Variants in KIRREL3 observed in about 807,000 individuals in gnomAD.
KIRREL3 encodes the protein kirre like nephrin family adhesion molecule 3.
In KIRREL3, 36 loss-of-function variants were observed where a neutral mutation model predicts 89.7. That is an observed-to-expected ratio of 0.40 (90% CI 0.31 to 0.53). KIRREL3 has a LOEUF of 0.53. Among genes scored for constraint, KIRREL3 ranks in the 20% least tolerant of loss-of-function variants. The pLI is 0.49. For synonymous variants in KIRREL3, 445 were observed against 441.4 expected, an observed-to-expected ratio of 1.01 and a Z score of -0.10; for missense variants, 864 against 1,056.6, an observed-to-expected ratio of 0.82 and a Z score of 2.53.
Position 126,890,122 on chromosome 11 carries a change from G to A in KIRREL3, c.55+110333C>T, listed in dbSNP as rs139742914. The stretch of plus-strand genomic sequence containing the variant: ...GGGATGGGTCAGTGCAATCTCTGTA[G>A]TTAAATTCTTGAGTTAAAATGAAGA... On this transcript the variant is annotated intron_variant, in intron 1 of 16. Transcript: ENST00000525144. The surrounding 1 kb of genome is among the most constrained non-coding windows in gnomAD (Gnocchi z 5.1). Among the ~76,000 whole-genome samples the A allele has an allele frequency of 5.3e-5, 8 of 152,324 alleles. No individual in the cohort carries two copies. The East Asian group carries it at 1.3e-3, about 26-fold the overall frequency.
At chr11:126,887,623 G>A (rs972344236) in intron 1 of KIRREL3, among the ~76,000 whole-genome samples, 1 of 151,686 alleles carries the variant, frequency 6.6e-6, no homozygotes, top group African/African-American at 2.4e-5. Flanking sequence ...CACCAACCAA[G>A]GGTCCCCAAT....
chr11:126,959,411 C>A (rs1248756784), intron 1 of KIRREL3, among the ~76,000 whole-genome samples: 2 of 152,154 alleles, frequency 1.3e-5, no homozygotes, highest in Non-Finnish European at 2.9e-5. Flanking sequence ...CTGGAAACCC[C>A]TGACTCTTAT....
rs1053103880 is a variant in KIRREL3, at chr11:126,516,507, A to C, written c.433+4808T>G. Among the ~76,000 whole-genome samples, 5 of 152,184 alleles carry C rather than the reference A, an allele frequency of 3.3e-5. No homozygotes were observed. The highest frequency in any genetic ancestry group is 1.2e-4 in the African/African-American group (5 of 41,450). On this transcript the variant is annotated intron_variant, in intron 4 of 16. Coordinates refer to ENST00000525144, the MANE Select transcript of KIRREL3 (RefSeq NM_032531.4). This position sits in a 1 kb window ranked among gnomAD's most constrained non-coding sequence, Gnocchi z 4.9. ...GACCGCCTTCTCTCTGCCAGAATGC[A>C]AGCTCCACCAGGGCAAGGATGGTTT... is the stretch of plus-strand genomic sequence containing the variant.
At position 126,664,800 on chromosome 11, in the gene KIRREL3, A is replaced by G. The variant is rs146249860; in HGVS notation, c.56-101888T>C. On this transcript the variant is annotated intron_variant, in intron 1 of 16. Transcript: ENST00000525144. This position sits in a 1 kb window ranked among gnomAD's most constrained non-coding sequence, Gnocchi z 5.4. ...CCTTTCTAACCCTGGCTGCAGCCTCATGGCACTACTTCCTCATCTATGAAC... is the reference window on the plus strand; with the variant it reads ...CCTTTCTAACCCTGGCTGCAGCCTCGTGGCACTACTTCCTCATCTATGAAC... Among the ~76,000 whole-genome samples the G allele has an allele frequency of 3.2e-4, 48 of 152,224 alleles. 1 individual carries two copies. Among genetic ancestry groups the G allele is most frequent in the Middle Eastern group, 3.4e-3 (1 of 294 alleles).
chr11:126,826,722 G>T (rs1447560486), intron 1 of KIRREL3, among the ~76,000 whole-genome samples: 1 of 152,172 alleles, frequency 6.6e-6, no homozygotes, highest in African/African-American at 2.4e-5. Flanking sequence ...AGCCTATGGG[G>T]TTTCAACCTG....
intron 1 of KIRREL3, among the ~76,000 whole-genome samples, chr11:126,848,856 A>T (rs1158076861): frequency 2.0e-5 from 3 of 152,196 alleles, no homozygotes; most frequent in African/African-American, 7.2e-5. Context: ...AGAGACCTTC[A>T]TAGTTTGGCA....
chr11:126,497,824 G>A, intron 4 of KIRREL3, among the ~76,000 whole-genome samples: 1 of 152,210 alleles, frequency 6.6e-6, no homozygotes, highest in East Asian at 1.9e-4. Context: ...CTGGGTGGGA[G>A]TTTAGTGTAG....
intron 1 of KIRREL3, among the ~76,000 whole-genome samples, chr11:126,634,688 A>T (rs1181695057): frequency 1.3e-5 from 2 of 152,202 alleles, no homozygotes; most frequent in Admixed American, 6.5e-5. Context: ...CCTGGCAAAG[A>T]GTGCATCGGG....
rs1458835045 is a variant in KIRREL3 at position 126,490,098 on chromosome 11, G to T, written c.434-16632C>A. On this transcript the variant is annotated intron_variant, in intron 4 of 16. Coordinates refer to ENST00000525144, the MANE Select transcript of KIRREL3 (RefSeq NM_032531.4). This position sits in a 1 kb window ranked among gnomAD's most constrained non-coding sequence, Gnocchi z 4.2. Reference sequence around the variant, plus strand: ...GTTTTGGATGTGCCTTAAAGTCACAGTTAGCTCCCATGATGGGCATTCGTG... The same window carrying T: ...GTTTTGGATGTGCCTTAAAGTCACATTTAGCTCCCATGATGGGCATTCGTG... Among the ~76,000 whole-genome samples the T allele has an allele frequency of 2.6e-5, 4 of 152,026 alleles. No homozygotes were observed. The highest frequency in any genetic ancestry group is 5.9e-5 in the Non-Finnish European group (4 of 68,030).
At position 126,563,558 on chromosome 11, in the gene KIRREL3, T is replaced by C. The variant is rs565771531; in HGVS notation, c.56-646A>G. 2.6e-5 allele frequency among the ~76,000 whole-genome samples: 4 copies of C among 152,278 alleles called. No homozygotes were observed. In the East Asian group the frequency reaches 7.7e-4, roughly 29 times the overall value. Reference sequence around the variant, plus strand: ...ATCAAGGCCCAATTTAGCACCATCATCAAGCACTTATGAAATGTAGACTTA... The same window carrying C: ...ATCAAGGCCCAATTTAGCACCATCACCAAGCACTTATGAAATGTAGACTTA... On this transcript the variant is annotated intron_variant, in intron 1 of 16. Transcript: ENST00000525144. This position sits in a 1 kb window ranked among gnomAD's most constrained non-coding sequence, Gnocchi z 6.8.
chr11:126,849,552 G>A (rs555396372), intron 1 of KIRREL3, among the ~76,000 whole-genome samples: 76 of 152,282 alleles, frequency 5.0e-4, no homozygotes, highest in African/African-American at 1.8e-3. Context: ...ATGGGGTCCC[G>A]ATGGCCACCT....
chr11:126,821,329 G>GTATATATATATATATATA lies in KIRREL3; in HGVS notation c.55+179108_55+179125dup, dbSNP rs6144553. ...TTTCATGGGTCAACGGATAAACACA[G>GTATATATATATATATATA]TATATATATATATATATATATATGT... On this transcript the variant is annotated intron_variant, in intron 1 of 16. Coordinates refer to ENST00000525144, the MANE Select transcript of KIRREL3 (RefSeq NM_032531.4). Among the ~76,000 whole-genome samples, 274 of 103,464 alleles carry GTATATATATATATATATA rather than the reference G, an allele frequency of 2.6e-3. 9 individuals carry two copies. Among genetic ancestry groups the GTATATATATATATATATA allele is most frequent in the Admixed American group, 4.5e-3 (48 of 10,686 alleles). The allele number at this position is 103,464 out of a possible 152,430, so 67.9% of individuals were successfully genotyped here. A position where few individuals can be genotyped will look rare whatever the true frequency, so the allele number is the denominator to read the frequency against.
At position 126,744,876 on chromosome 11, in the gene KIRREL3, T is replaced by TAA. The variant is rs34828983; in HGVS notation, c.56-181966_56-181965dup. On this transcript the variant is annotated intron_variant, in intron 1 of 16. Coordinates refer to ENST00000525144, the MANE Select transcript of KIRREL3 (RefSeq NM_032531.4). The surrounding 1 kb of genome is among the most constrained non-coding windows in gnomAD (Gnocchi z 4.7). ...ATTGTGTCTGCCACATAGTAAGTGC[T>TAA]AAAAAAAAAAAAAAAGGTGGGAAAA... Among the ~76,000 whole-genome samples, 1 of 143,606 alleles carries TAA rather than the reference T, an allele frequency of 7.0e-6. No individual in the cohort carries two copies. Among genetic ancestry groups the TAA allele is most frequent in the African/African-American group, 2.6e-5 (1 of 38,836 alleles). 94.2% of individuals were successfully genotyped at this position (143,606 alleles called of 152,430 possible). A position where few individuals can be genotyped will look rare whatever the true frequency, so the allele number is the denominator to read the frequency against.
chr11:126,536,422 G>A (rs1432747708), intron 2 of KIRREL3, among the ~76,000 whole-genome samples: 1 of 152,106 alleles, frequency 6.6e-6, no homozygotes, highest in Non-Finnish European at 1.5e-5. Flanking sequence ...GAACTCCACT[G>A]TCCCAAGTCT....
At chr11:126,693,120 T>G (rs1177589594) in intron 1 of KIRREL3, among the ~76,000 whole-genome samples, 1 of 152,150 alleles carries the variant, frequency 6.6e-6, no homozygotes, top group African/African-American at 2.4e-5. Context: ...TGAGTGCAGT[T>G]AAATTCAGCT....
chr11:126,982,215 A>T (rs1565476002), intron 1 of KIRREL3, among the ~76,000 whole-genome samples: 1 of 152,212 alleles, frequency 6.6e-6, no homozygotes. Context: ...CAAAGATGTT[A>T]TCATTGTCTA....
chr11:126,497,515 C>G (rs11606527), intron 4 of KIRREL3, among the ~76,000 whole-genome samples: 16,863 of 152,250 alleles, frequency 0.11, 2,428 homozygotes, highest in East Asian at 0.75. Context: ...ACAACGCACT[C>G]TTCCCAGAGC....
intron 1 of KIRREL3, chr11:126,936,134 T>C (rs1194997768): frequency 6.6e-6 from 1 of 152,080 alleles, no homozygotes; most frequent in Non-Finnish European, 1.5e-5. Flanking sequence ...AATAAGCACA[T>C]AAAAAACTGC....
chr11:126,497,110 C>CTGTG (rs60261632), intron 4 of KIRREL3, among the ~76,000 whole-genome samples: 3,041 of 149,038 alleles, frequency 0.02, 68 homozygotes, highest in African/African-American at 0.056. Context: ...GCCTGCTTGG[C>CTGTG]TGTGTGTGTG....
Sources: gnomAD v4.1 joint callset for allele counts (sites outside exome capture counted in the v4.1 genomes callset) on GRCh38, gnomAD v4.1.1 for gene constraint, Gnocchi (gnomAD v3.1) non-coding constraint, MANE v1.5 for transcripts, NCBI Gene and HGNC (gene_info 2026-07-23, HGNC 2026-07-21) for gene names.